The following N4BP2 variants were observed in gnomAD, a reference collection of about 807,000 sequenced individuals.
N4BP2 encodes the protein NEDD4 binding protein 2.
Under a neutral mutation model 152.8 loss-of-function variants are expected in N4BP2, and 91 were observed. The observed-to-expected ratio is 0.60, with a 90% CI of 0.50 to 0.71. The LOEUF (loss-of-function observed/expected upper bound fraction) is 0.71, where lower values mean the gene tolerates loss of function less well. Ranked by LOEUF, N4BP2 falls within the 30% of genes least tolerant of loss-of-function variation. N4BP2 has a pLI of 0.00. For missense variants in N4BP2, 1,923 were observed against 2,059.1 expected (o/e 0.93, Z 1.28); for synonymous variants, 646 against 705.3 (o/e 0.92, Z 1.33).
At chr4:40,067,623 G>C (rs1471178397) in intron 1 of N4BP2, among the ~76,000 whole-genome samples, 1 of 152,086 alleles carries the variant, frequency 6.6e-6, no homozygotes, top group Non-Finnish European at 1.5e-5. Context: ...TTGCTTAGTA[G>C]CTGAGCCATT....
intron 14 of N4BP2, among the ~76,000 whole-genome samples, chr4:40,137,619 A>G (rs1289647909): frequency 2.6e-5 from 4 of 152,186 alleles, no homozygotes; most frequent in Non-Finnish European, 5.9e-5. Flanking sequence ...ACGTGCAGAC[A>G]TGGAAGTGTC....
chr4:40,148,388 C>T (rs1259102440), intron 16 of N4BP2, among the ~76,000 whole-genome samples: 3 of 149,538 alleles, frequency 2.0e-5, no homozygotes, highest in African/African-American at 7.4e-5. Flanking sequence ...TGCAGTGAGC[C>T]GAGATGGCAG....
chr4:40,163,181 T>C (rs561145138), downstream of N4BP2, among the ~76,000 whole-genome samples: 20 of 152,272 alleles, frequency 1.3e-4, no homozygotes, highest in Admixed American at 2.6e-4. Context: ...TGTCAAAGGA[T>C]TTGTGTATGT....
intron 7 of N4BP2, among the ~76,000 whole-genome samples, chr4:40,115,340 T>TA (rs1293988373): frequency 6.6e-6 from 1 of 151,892 alleles, no homozygotes; most frequent in Non-Finnish European, 1.5e-5. Flanking sequence ...CTACAAAAAA[T>TA]AAAAAAATTA....
rs112161576 is a variant in N4BP2, at chr4:40,084,453, C to T, written c.-115+10902C>T. Among the ~76,000 whole-genome samples, 357 of 149,664 alleles carry T rather than the reference C, an allele frequency of 2.4e-3. 2 individuals carry two copies. Among genetic ancestry groups the T allele is most frequent in the African/African-American group, 8.1e-3 (332 of 40,760 alleles). On this transcript the variant is annotated intron_variant, in intron 2 of 17. Transcript: ENST00000261435. ...TTTGAGATTTTTTTTTTTTTTCCTC[C>T]GAGATGGAGTCTTGGTTTTTTGTCT...
chr4:40,167,689 G>C, the N4BP2 span: 1 of 152,190 alleles, frequency 6.6e-6, no homozygotes, highest in African/African-American at 2.4e-5. Context: ...TTCAAGAAAT[G>C]AGAAGGTAAA....
chr4:40,121,578 G>T lies in N4BP2; in HGVS notation c.3467G>T (p.Gly1156Val). The stretch of plus-strand genomic sequence containing the variant: ...TCACAAATTGGGCCTTTTTCTCTGG[G>T]GTTGAATTTGAAAGAAATTATTAGC... ...DGSQIGPFSLGLNLKEIISQR... is the reference protein window; with the variant it reads ...DGSQIGPFSLVLNLKEIISQR... Residue 1156 changes from glycine (G) to valine (V), a missense_variant, in exon 9 of 18, where the codon GGG becomes GTG. Coordinates refer to ENST00000261435, the MANE Select transcript of N4BP2 (RefSeq NM_018177.6). 6.2e-7 allele frequency: 1 copy of T among 1,614,026 alleles called. No homozygotes were observed. The highest frequency in any genetic ancestry group is 8.5e-7 in the Non-Finnish European group (1 of 1,179,974).
chr4:40,166,160 A>G, the N4BP2 span, among the ~76,000 whole-genome samples: 1 of 152,128 alleles, frequency 6.6e-6, no homozygotes, highest in Non-Finnish European at 1.5e-5. Flanking sequence ...CAATATTGGA[A>G]TCTTTTTCTT....
intron 11 of N4BP2, among the ~76,000 whole-genome samples, chr4:40,125,623 C>T (rs904620742): frequency 1.2e-4 from 18 of 152,154 alleles, no homozygotes; most frequent in African/African-American, 2.2e-4. Context: ...CGGTGGCTCA[C>T]GCCTGTAATC....
the N4BP2 span, among the ~76,000 whole-genome samples, chr4:40,177,682 G>T: frequency 6.6e-6 from 1 of 152,138 alleles, no homozygotes; most frequent in Non-Finnish European, 1.5e-5. Flanking sequence ...CAGACTCCGT[G>T]TGAGGATATC....
chr4:40,144,497 C>A, intron 15 of N4BP2, 135 bp from the exon 16 acceptor site: 1 of 655,426 alleles, frequency 1.5e-6, no homozygotes, highest in East Asian at 2.9e-5. Context: ...ATATATTAAA[C>A]TCATTGCATT....
chr4:40,165,117 T>C, the N4BP2 span, among the ~76,000 whole-genome samples: 163 of 152,336 alleles, frequency 1.1e-3, 14 homozygotes, highest in Admixed American at 1.3e-4. Flanking sequence ...ATAGAATCAT[T>C]AGCTAGAATA....
intron 13 of N4BP2, among the ~76,000 whole-genome samples, chr4:40,136,160 C>T (rs1719360800): frequency 6.6e-6 from 1 of 151,812 alleles, no homozygotes; most frequent in African/African-American, 2.4e-5. Flanking sequence ...GACTAAAATC[C>T]CATGGTAAAA....
chr4:40,109,088 TA>T (rs140435634), intron 5 of N4BP2, among the ~76,000 whole-genome samples: 2,640 of 152,310 alleles, frequency 0.017, 96 homozygotes, highest in African/African-American at 0.06. Flanking sequence ...GTGCTGGGAT[TA>T]CAGACATGAG....
At chr4:40,090,613 A>T (rs1472204103) in intron 2 of N4BP2, among the ~76,000 whole-genome samples, 2 of 152,128 alleles carry the variant, frequency 1.3e-5, no homozygotes, top group African/African-American at 4.8e-5. Flanking sequence ...GAGGAAAAAA[A>T]TTGGTTATGT....
chr4:40,110,507 A>G (rs1716766985), intron 5 of N4BP2, among the ~76,000 whole-genome samples: 1 of 152,122 alleles, frequency 6.6e-6, no homozygotes, highest in Admixed American at 6.6e-5. Flanking sequence ...GATGTGGAAC[A>G]TCTTTTTGTG....
intron 3 of N4BP2, chr4:40,100,017 CTT>C (rs1429985060): frequency 1.1e-5 from 5 of 454,566 alleles, no homozygotes; most frequent in South Asian, 4.7e-5. Flanking sequence ...TCCAATCCCT[CTT>C]TGTTTTTCTT....
At chr4:40,189,915 G>T in the N4BP2 span, among the ~76,000 whole-genome samples, 1 of 138,962 alleles carries the variant, frequency 7.2e-6, no homozygotes, top group Non-Finnish European at 1.6e-5. This position sits in a 1 kb window ranked among gnomAD's most constrained non-coding sequence, Gnocchi z 4.3. Context: ...CACACACACA[G>T]ACACATACAC....
At chr4:40,171,292 A>T in the N4BP2 span, among the ~76,000 whole-genome samples, 1 of 152,198 alleles carries the variant, frequency 6.6e-6, no homozygotes, top group Non-Finnish European at 1.5e-5. Context: ...GACGAGCTCT[A>T]GGAGAAGGCT....
Sources: gnomAD v4.1 joint callset for allele counts (sites outside exome capture counted in the v4.1 genomes callset) on GRCh38, gnomAD v4.1.1 for gene constraint, Gnocchi (gnomAD v3.1) non-coding constraint, MANE v1.5 for transcripts, NCBI Gene and HGNC (gene_info 2026-07-23, HGNC 2026-07-21) for gene names.